BNC2: variants seen among roughly 807,000 people sequenced by gnomAD.
BNC2 encodes basonuclin zinc finger protein 2, also known as zinc finger protein basonuclin-2.
A neutral mutation model predicts 76.3 loss-of-function variants in BNC2; 20 were observed. That is an observed-to-expected ratio of 0.26 (90% CI 0.18 to 0.38). BNC2 has a LOEUF of 0.38. Among genes scored for constraint, BNC2 ranks in the 10% least tolerant of loss-of-function variants. The probability of loss-of-function intolerance (pLI) is 1.00; values close to 1 mark genes in which losing one functional copy is unlikely to be tolerated. For synonymous variants in BNC2, 582 were observed against 514.8 expected, an observed-to-expected ratio of 1.13 and a Z score of -1.77; for missense variants, 1,382 against 1,399.8, an observed-to-expected ratio of 0.99 and a Z score of 0.20.
intron 4 of BNC2, among the ~76,000 whole-genome samples, chr9:16,556,339 CTTTG>C (rs757698259): frequency 3.3e-5 from 5 of 151,884 alleles, no homozygotes; most frequent in Non-Finnish European, 7.4e-5. Context: ...ACCTCACCAG[CTTTG>C]TTTGGGCCCT....
chr9:16,460,103 C>A (rs919492540), intron 5 of BNC2, among the ~76,000 whole-genome samples: 4 of 151,968 alleles, frequency 2.6e-5, no homozygotes, highest in Non-Finnish European at 5.9e-5. Context: ...TAACAATTAT[C>A]AAAGTACCAA....
chr9:16,812,966 T>C (rs1351193802), intron 1 of BNC2, among the ~76,000 whole-genome samples: 3 of 152,048 alleles, frequency 2.0e-5, no homozygotes, highest in Admixed American at 6.5e-5. Flanking sequence ...CCCAGCACTT[T>C]AGGAGGCCGA....
intron 5 of BNC2, chr9:16,473,181 G>C (rs1168775487): frequency 6.6e-6 from 1 of 152,216 alleles, no homozygotes; most frequent in Non-Finnish European, 1.5e-5. Flanking sequence ...CTCTGCAGAA[G>C]AGAAGAAACT....
chr9:16,510,262 G>A (rs1044253854), intron 5 of BNC2, among the ~76,000 whole-genome samples: 3 of 152,172 alleles, frequency 2.0e-5, no homozygotes, highest in Non-Finnish European at 4.4e-5. Flanking sequence ...CTCACTGGGT[G>A]GACAGCCTCC....
intron 5 of BNC2, among the ~76,000 whole-genome samples, chr9:16,470,255 C>T (rs542147603): frequency 7.9e-5 from 12 of 151,958 alleles, no homozygotes; most frequent in Non-Finnish European, 1.5e-4. Flanking sequence ...CCTCGGCCTC[C>T]GAAAGTGCTT....
intron 1 of BNC2, among the ~76,000 whole-genome samples, chr9:16,818,861 G>C (rs896506788): frequency 1.7e-5 from 2 of 119,602 alleles, no homozygotes; most frequent in African/African-American, 6.3e-5. Context: ...AAAGGAGTGA[G>C]GCATTTTTTA....
At chr9:16,716,575 C>A (rs188057214) in intron 3 of BNC2, among the ~76,000 whole-genome samples, 1 of 152,054 alleles carries the variant, frequency 6.6e-6, no homozygotes, top group Non-Finnish European at 1.5e-5. Flanking sequence ...ATTAAAAATA[C>A]CCTATTTAGC....
chr9:16,779,368 A>G (rs1311914868), intron 1 of BNC2, among the ~76,000 whole-genome samples: 1 of 152,040 alleles, frequency 6.6e-6, no homozygotes, highest in Non-Finnish European at 1.5e-5. Flanking sequence ...AGCAGATTTA[A>G]GAAGTATCCA....
At chr9:16,693,477 A>C (rs916862824) in intron 3 of BNC2, among the ~76,000 whole-genome samples, 2 of 152,060 alleles carry the variant, frequency 1.3e-5, no homozygotes, top group African/African-American at 4.8e-5. Flanking sequence ...CCCACCTGAG[A>C]CCCACTGTGA....
At chr9:16,780,186 A>T (rs1385391571) in intron 1 of BNC2, among the ~76,000 whole-genome samples, 1 of 142,512 alleles carries the variant, frequency 7.0e-6, no homozygotes, top group Non-Finnish European at 1.5e-5. Context: ...CAGTGAGCCG[A>T]GATCGCGCCA....
intron 6 of BNC2, among the ~76,000 whole-genome samples, chr9:16,432,341 A>G (rs887009519): frequency 1.3e-5 from 2 of 152,230 alleles, no homozygotes; most frequent in African/African-American, 4.8e-5. Context: ...ACTTGATCTT[A>G]TAAAATCTAG....
At chr9:16,730,699 C>T (rs1213039476) in intron 2 of BNC2, among the ~76,000 whole-genome samples, 1 of 152,110 alleles carries the variant, frequency 6.6e-6, no homozygotes, top group East Asian at 1.9e-4. Flanking sequence ...TGAGGTGGCC[C>T]TGGCTGAAAC....
chr9:16,783,167 G>T (rs1301522793), intron 1 of BNC2, among the ~76,000 whole-genome samples: 2 of 152,106 alleles, frequency 1.3e-5, no homozygotes, highest in Non-Finnish European at 2.9e-5. Flanking sequence ...TGAAATTAAG[G>T]GAGACAATTA....
chr9:16,661,545 T>C (rs935753346), intron 3 of BNC2, among the ~76,000 whole-genome samples: 1 of 152,148 alleles, frequency 6.6e-6, no homozygotes, highest in Non-Finnish European at 1.5e-5. Flanking sequence ...TAAAGTTTAG[T>C]GTTATCAGTT....
intron 3 of BNC2, among the ~76,000 whole-genome samples, chr9:16,676,781 T>C (rs1411196173): frequency 6.6e-6 from 1 of 152,050 alleles, no homozygotes; most frequent in African/African-American, 2.4e-5. Context: ...CACACCCAAG[T>C]GAGAACAAGG....
intron 3 of BNC2, among the ~76,000 whole-genome samples, chr9:16,600,949 T>G (rs1475388110): frequency 2.6e-5 from 4 of 152,170 alleles, no homozygotes; most frequent in Non-Finnish European, 5.9e-5. Context: ...AATGTGAAAG[T>G]GCCTCTTGCT....
At chr9:16,580,468 GCA>G (rs908268063) in intron 4 of BNC2, among the ~76,000 whole-genome samples, 5 of 152,194 alleles carry the variant, frequency 3.3e-5, no homozygotes, top group African/African-American at 4.8e-5. Context: ...AGTAGAAAAA[GCA>G]CAGTCTGGTG....
intron 3 of BNC2, among the ~76,000 whole-genome samples, chr9:16,691,108 C>T (rs972464326): frequency 2.6e-5 from 4 of 152,104 alleles, no homozygotes; most frequent in Non-Finnish European, 5.9e-5. Flanking sequence ...ATCTCTCTTC[C>T]CTGGTGACAC....
rs543479175 is a variant in BNC2, at chr9:16,417,645, G to C, written c.*1344C>G. 147 of 152,704 alleles carry C rather than the reference G, an allele frequency of 9.6e-4. No homozygotes were observed. The highest frequency in any genetic ancestry group is 3.5e-3 in the African/African-American group (144 of 41,576). The allele number at this position is 152,704 out of a possible 1,614,324, so 9.5% of individuals were successfully genotyped here. On this transcript the variant is annotated 3_prime_UTR_variant, in exon 7 of 7. Coordinates refer to ENST00000380672, the MANE Select transcript of BNC2 (RefSeq NM_017637.6). ...CCATACAACAGACCGACCCAGTTCAGAGGATTTCTTTTTAAAGGATAAGGG... is the reference window on the plus strand; with the variant it reads ...CCATACAACAGACCGACCCAGTTCACAGGATTTCTTTTTAAAGGATAAGGG...
Sources: allele counts gnomAD v4.1 joint callset (sites outside exome capture counted in the v4.1 genomes callset), GRCh38; gene constraint gnomAD v4.1.1; transcripts MANE v1.5; gene names NCBI Gene and HGNC (gene_info 2026-07-23, HGNC 2026-07-21).